Variants in DTD1 observed in about 807,000 individuals in gnomAD.
DTD1 encodes the protein D-tyrosyl-tRNA deacylase 1 homolog.
DTD1 carries 13 observed loss-of-function variants against 25.6 expected under a neutral mutation model. The observed-to-expected ratio is 0.51, with a 90% CI of 0.33 to 0.81. The LOEUF is 0.81. DTD1 is among the 30% of genes least tolerant of loss of function. The probability of loss-of-function intolerance (pLI) is 0.02; values close to 1 mark genes in which losing one functional copy is unlikely to be tolerated. For synonymous variants in DTD1, 110 were observed against 103.6 expected (o/e 1.06, Z -0.37); for missense variants, 193 against 266.4 (o/e 0.72, Z 1.92).
chr20:18,604,988 C>G (rs202008261), intron 3 of DTD1, among the ~76,000 whole-genome samples: 156 of 34,770 alleles, frequency 4.5e-3, no homozygotes, highest in Middle Eastern at 0.024. Context: ...GTCAAATTGT[C>G]CTTGTTTGCA....
intron 4 of DTD1, among the ~76,000 whole-genome samples, chr20:18,687,135 T>G (rs6075395): frequency 0.36 from 54,664 of 151,738 alleles, 10,113 homozygotes; most frequent in Non-Finnish European, 0.41. Flanking sequence ...CCTAGTGGGC[T>G]GCATTTTTAG....
At chr20:18,616,061 G>A (rs1026872773) in intron 3 of DTD1, among the ~76,000 whole-genome samples, 2 of 152,166 alleles carry the variant, frequency 1.3e-5, no homozygotes, top group Non-Finnish European at 2.9e-5. Context: ...TGATGCCAAA[G>A]GCATTATTTT....
chr20:18,603,736 G>A (rs1207376097), intron 3 of DTD1, among the ~76,000 whole-genome samples: 1 of 132,360 alleles, frequency 7.6e-6, no homozygotes, highest in Non-Finnish European at 1.6e-5. Context: ...CGAGAACAAA[G>A]ACACAATATA....
intron 4 of DTD1, among the ~76,000 whole-genome samples, chr20:18,646,363 G>A (rs2060850434): frequency 6.6e-6 from 1 of 152,196 alleles, no homozygotes; most frequent in African/African-American, 2.4e-5. Context: ...TCTCAAGGGG[G>A]TCACTGGGCT....
At chr20:18,748,513 C>A (rs1450832142) in intron 5 of DTD1, among the ~76,000 whole-genome samples, 1 of 152,122 alleles carries the variant, frequency 6.6e-6, no homozygotes, top group African/African-American at 2.4e-5. Context: ...TCTGTGGCCC[C>A]TGGGTAGCCT....
intron 4 of DTD1, chr20:18,675,465 G>T (rs1194972964): frequency 3.3e-5 from 5 of 152,042 alleles, no homozygotes; most frequent in Non-Finnish European, 5.9e-5. Context: ...GATGCTCAGG[G>T]ATTTTGGGTG....
At chr20:18,598,244 T>G (rs2060619676) in intron 3 of DTD1, among the ~76,000 whole-genome samples, 1 of 152,088 alleles carries the variant, frequency 6.6e-6, no homozygotes, top group South Asian at 2.1e-4. Context: ...TTTTCTGTTC[T>G]TGTGATGGTT....
intron 4 of DTD1, among the ~76,000 whole-genome samples, chr20:18,667,780 C>T (rs2060937393): frequency 6.6e-6 from 1 of 152,166 alleles, no homozygotes; most frequent in East Asian, 1.9e-4. Context: ...AAGCCCCCCA[C>T]CTGAGCGCCC....
At chr20:18,750,680 C>T (rs2061318285) in intron 5 of DTD1, among the ~76,000 whole-genome samples, 1 of 152,098 alleles carries the variant, frequency 6.6e-6, no homozygotes, top group African/African-American at 2.4e-5. Flanking sequence ...GTGTTTTTGT[C>T]CTCTGTCTCA....
chr20:18,609,097 C>T (rs1444664727), intron 3 of DTD1, among the ~76,000 whole-genome samples: 2 of 151,958 alleles, frequency 1.3e-5, no homozygotes, highest in Admixed American at 1.3e-4. Flanking sequence ...CAATGTTGAA[C>T]TGCAGTATCT....
chr20:18,707,005 G>A lies in DTD1; in HGVS notation c.478-37095G>A, dbSNP rs117249439. 9.1e-3 allele frequency among the ~76,000 whole-genome samples: 1,381 copies of A among 152,338 alleles called. 9 individuals carry two copies. Among genetic ancestry groups the A allele is most frequent in the Non-Finnish European group, 0.012 (849 of 68,036 alleles). On this transcript the variant is annotated intron_variant, in intron 4 of 5. Coordinates refer to ENST00000377452, the MANE Select transcript of DTD1 (RefSeq NM_080820.6). The stretch of plus-strand genomic sequence containing the variant: ...CTGAGGGGGCTGAATAGCAGTGTGA[G>A]CCTCGGCCTGAGCAGTGGTGTGGGG...
intron 3 of DTD1, among the ~76,000 whole-genome samples, chr20:18,627,900 A>G (rs1307650140): frequency 2.0e-5 from 3 of 152,114 alleles, no homozygotes; most frequent in Non-Finnish European, 4.4e-5. Flanking sequence ...CTTTTTGCCT[A>G]CTGCCATCCA....
chr20:18,727,904 G>A (rs931489484), intron 4 of DTD1, among the ~76,000 whole-genome samples: 1 of 152,204 alleles, frequency 6.6e-6, no homozygotes, highest in Non-Finnish European at 1.5e-5. Context: ...CGGTGGATGG[G>A]CATTTGTGGG....
chr20:18,638,361 A>C (rs919652871), intron 4 of DTD1, among the ~76,000 whole-genome samples: 1 of 152,154 alleles, frequency 6.6e-6, no homozygotes, highest in African/African-American at 2.4e-5. Flanking sequence ...ATTCTAGTGG[A>C]GAAACAAACA....
chr20:18,649,094 C>A (rs1357361761), intron 4 of DTD1, among the ~76,000 whole-genome samples: 1 of 148,012 alleles, frequency 6.8e-6, no homozygotes, highest in African/African-American at 2.5e-5. Flanking sequence ...ATATGAATTT[C>A]ATTCTTACCA....
At chr20:18,673,732 G>T (rs1175263766) in intron 4 of DTD1, among the ~76,000 whole-genome samples, 1 of 152,120 alleles carries the variant, frequency 6.6e-6, no homozygotes, top group Non-Finnish European at 1.5e-5. Flanking sequence ...AGGTAGTTGT[G>T]TGGCTGTGTG....
chr20:18,599,679 A>G (rs1018899112), intron 3 of DTD1, among the ~76,000 whole-genome samples: 1 of 152,152 alleles, frequency 6.6e-6, no homozygotes, highest in Admixed American at 6.5e-5. Context: ...TCTTGCTAAT[A>G]TTTGGTGTTG....
rs1225091964 is a variant in DTD1, at chr20:18,764,778, T to G, written c.*1438T>G. 6.6e-6 allele frequency: 1 copy of G among 152,262 alleles called. No homozygotes were observed. Among genetic ancestry groups the G allele is most frequent in the Non-Finnish European group, 1.5e-5 (1 of 68,060 alleles). 9.4% of individuals were successfully genotyped at this position (152,262 alleles called of 1,614,324 possible). ...GCAGACCCTGGCCAGCTCCCTAAGC[T>G]GTGTGGGCAGTGAGGTCCCAGAAGC... On this transcript the variant is annotated 3_prime_UTR_variant, in exon 6 of 6. Transcript: ENST00000377452.
intron 3 of DTD1, among the ~76,000 whole-genome samples, chr20:18,622,838 AAGG>A (rs2060740283): frequency 6.6e-6 from 1 of 152,142 alleles, no homozygotes; most frequent in Non-Finnish European, 1.5e-5. Flanking sequence ...GGCTGTTGCC[AAGG>A]AAGTTTCCCA....
Sources: gnomAD v4.1 joint callset for allele counts (sites outside exome capture counted in the v4.1 genomes callset) on GRCh38, gnomAD v4.1.1 for gene constraint, MANE v1.5 for transcripts, NCBI Gene and HGNC (gene_info 2026-07-23, HGNC 2026-07-21) for gene names.